Variants in TRPA1 observed in about 807,000 individuals in gnomAD.
The protein encoded by TRPA1 is ankyrin-like with transmembrane domains 1.
TRPA1 carries 129 observed loss-of-function variants against 131.3 expected under a neutral mutation model. The ratio of observed to expected loss-of-function variants is 0.98; its 90% CI spans 0.85 to 1.14. The LOEUF (loss-of-function observed/expected upper bound fraction) is 1.14. Ranked by LOEUF, TRPA1 falls within the 50% of genes most tolerant of loss-of-function variation. TRPA1 has a pLI of 0.00. For missense variants in TRPA1, 1,304 were observed against 1,354.2 expected, an observed-to-expected ratio of 0.96 and a Z score of 0.58; for synonymous variants, 441 against 451.7, an observed-to-expected ratio of 0.98 and a Z score of 0.30.
At chr8:72,062,738 G>A (rs915849426) in intron 6 of TRPA1, 61 bp downstream of exon 6, 2 of 1,505,686 alleles carry the variant, frequency 1.3e-6, no homozygotes, top group Non-Finnish European at 1.8e-6. Flanking sequence ...GAGCTATAAA[G>A]CATTTTATAT....
At chr8:72,028,459 G>A (rs79314815) in intron 24 of TRPA1, among the ~76,000 whole-genome samples, 2,348 of 152,194 alleles carry the variant, frequency 0.015, 62 homozygotes, top group East Asian at 0.081. Flanking sequence ...CGACGGTATC[G>A]ATGTCCTGTT....
the TRPA1 span, among the ~76,000 whole-genome samples, chr8:72,080,860 T>A: frequency 6.6e-6 from 1 of 151,844 alleles, no homozygotes; most frequent in African/African-American, 2.4e-5. Flanking sequence ...TTACAATCAA[T>A]TTAGTCAATC....
rs1033737177 is a variant in TRPA1, at chr8:72,029,846, A to T, written c.2937+55T>A. 2.0e-5 allele frequency: 31 copies of T among 1,545,904 alleles called. No homozygotes were observed. The African/African-American group carries it at 4.1e-4, about 20-fold the overall frequency. ...TTTTGACTTGTAATATTTTTAACTT[A>T]TTGTGGGTTTACCAGAAGATAACAC... On this transcript the variant is annotated intron_variant, in intron 24 of 26. Coordinates refer to ENST00000262209, the MANE Select transcript of TRPA1 (RefSeq NM_007332.3).
intron 17 of TRPA1, among the ~76,000 whole-genome samples, chr8:72,046,160 C>A (rs1812424559): frequency 6.6e-6 from 1 of 151,906 alleles, no homozygotes; most frequent in Non-Finnish European, 1.5e-5. Context: ...TGGATTGGAG[C>A]AGTTCTTATG....
chr8:72,076,521 A>G (rs1453393596), upstream of TRPA1: 1 of 152,310 alleles, frequency 6.6e-6, no homozygotes, highest in Non-Finnish European at 1.5e-5. Context: ...GCTTTGACAG[A>G]CGGTGCTTCC....
intron 25 of TRPA1, 64 bp from the exon 26 acceptor site, chr8:72,023,975 G>T (rs1034040630): frequency 1.5e-4 from 166 of 1,133,176 alleles, no homozygotes; most frequent in Non-Finnish European, 2.1e-4. Context: ...TCTTAAGCAT[G>T]TGCCAAAATT....
chr8:72,048,217 T>C (rs1171703523), intron 15 of TRPA1, among the ~76,000 whole-genome samples: 1 of 152,138 alleles, frequency 6.6e-6, no homozygotes, highest in African/African-American at 2.4e-5. Flanking sequence ...TCAAATCTAG[T>C]GGTCCAAATT....
At chr8:72,075,925 G>T (rs1271578100), upstream of TRPA1, among the ~76,000 whole-genome samples, 9 of 150,908 alleles carry the variant, frequency 6.0e-5, no homozygotes, top group Admixed American at 5.9e-4. Context: ...AGGGTGGGGG[G>T]TGTAAAGAGA....
Position 72,059,369 on chromosome 8 carries a change from ACC to A in TRPA1, c.993+19_993+20del. 6.9e-7 allele frequency: 1 copy of A among 1,449,566 alleles called. No homozygotes were observed. Among genetic ancestry groups the A allele is most frequent in the African/African-American group, 1.4e-5 (1 of 70,862 alleles). The allele number at this position is 1,449,566 out of a possible 1,614,324, so 89.8% of individuals were successfully genotyped here. A position where few individuals can be genotyped will look rare whatever the true frequency, so the allele number is the denominator to read the frequency against. On this transcript the variant is annotated intron_variant, in intron 8 of 26. Transcript: ENST00000262209. Reference sequence around the variant, plus strand: ...AAATTATAAATAGTAATAAAAATAAACCAGTAAAAGGAATAGTTACCACTGAA... The same window carrying A: ...AAATTATAAATAGTAATAAAAATAAAAGTAAAAGGAATAGTTACCACTGAA...
At position 72,046,615 on chromosome 8, in the gene TRPA1, A is replaced by G; in HGVS notation, c.1966-7T>C. 2.0e-6 allele frequency: 3 copies of G among 1,495,352 alleles called. No homozygotes were observed. Among genetic ancestry groups the G allele is most frequent in the Non-Finnish European group, 2.8e-6 (3 of 1,079,412 alleles). The allele number at this position is 1,495,352 out of a possible 1,614,324, so 92.6% of individuals were successfully genotyped here. ...ATTTGAAATTATACTCGATCTGTAG[A>G]AGACAGAATTTTTTTTAAAAAAATG... On this transcript the variant is annotated splice_polypyrimidine_tract_variant and splice_region_variant and intron_variant, in intron 16 of 26. Transcript: ENST00000262209.
chr8:72,073,691 A>G (rs961743051), intron 1 of TRPA1, among the ~76,000 whole-genome samples: 1 of 152,248 alleles, frequency 6.6e-6, no homozygotes, highest in African/African-American at 2.4e-5. Context: ...CACGAAGACA[A>G]ATAATTTTGA....
intron 24 of TRPA1, among the ~76,000 whole-genome samples, chr8:72,026,795 C>T (rs1811626997): frequency 6.6e-6 from 1 of 152,018 alleles, no homozygotes; most frequent in African/African-American, 2.4e-5. Flanking sequence ...TTTACTGTAA[C>T]TACTTGTAAC....
In TRPA1 at chr8:72,052,721, G is replaced by T; in HGVS notation, c.1689C>A (p.Ala563=). The T allele has an allele frequency of 1.9e-6, 3 of 1,613,706 alleles. No homozygotes were observed. Among genetic ancestry groups the T allele is most frequent in the Non-Finnish European group, 2.5e-6 (3 of 1,179,878 alleles). The part of the protein sequence containing the change: ...HFAAREGHAK[A]VALLLSHNAD... Reference sequence around the variant, plus strand: ...CATTGTGGCTCAGAAGAAGCGCAACGGCTTTGGCGTGGCCTTCCCTTGCAG... The same window carrying T: ...CATTGTGGCTCAGAAGAAGCGCAACTGCTTTGGCGTGGCCTTCCCTTGCAG... The change falls in exon 14 of 27, where the codon GCC becomes GCA. Residue 563 remains alanine, a synonymous_variant. Transcript: ENST00000262209.
chr8:72,086,123 G>T, the TRPA1 span, among the ~76,000 whole-genome samples: 1 of 151,888 alleles, frequency 6.6e-6, no homozygotes, highest in Admixed American at 6.6e-5. Context: ...GGATGGTCTC[G>T]ATCTCCTGAT....
chr8:72,071,361 T>C (rs550533482), intron 2 of TRPA1, among the ~76,000 whole-genome samples: 245 of 152,326 alleles, frequency 1.6e-3, no homozygotes, highest in African/African-American at 5.6e-3. Flanking sequence ...GTACACCTTC[T>C]TGAGGTGTCA....
chr8:72,080,924 A>T, the TRPA1 span, among the ~76,000 whole-genome samples: 1 of 151,496 alleles, frequency 6.6e-6, no homozygotes, highest in African/African-American at 2.4e-5. Context: ...GTTTTTTGTC[A>T]TTCATGTAAT....
intron 26 of TRPA1, chr8:72,023,400 T>C: frequency 4.0e-6 from 2 of 503,696 alleles, no homozygotes; most frequent in East Asian, 3.4e-5. Context: ...GTCACAGTTA[T>C]TACGTACCTA....
chr8:72,047,714 G>T (rs940640822), intron 15 of TRPA1, among the ~76,000 whole-genome samples: 1 of 151,850 alleles, frequency 6.6e-6, no homozygotes, highest in Non-Finnish European at 1.5e-5. Context: ...TTACCTTCAG[G>T]CTATGCTTTT....
chr8:72,079,086 A>G (rs1054007302), upstream of TRPA1, among the ~76,000 whole-genome samples: 30 of 151,878 alleles, frequency 2.0e-4, no homozygotes, highest in African/African-American at 6.5e-4. Flanking sequence ...CCTCTTTTTA[A>G]ATTGCGTTGT....
Sources: allele counts gnomAD v4.1 joint callset (sites outside exome capture counted in the v4.1 genomes callset), GRCh38; gene constraint gnomAD v4.1.1; transcripts MANE v1.5; gene names NCBI Gene and HGNC (gene_info 2026-07-23, HGNC 2026-07-21).